Variants in MSI2 observed in about 807,000 individuals in gnomAD.
The protein encoded by MSI2 is RNA-binding protein Musashi homolog 2.
Under a neutral mutation model 45.6 loss-of-function variants are expected in MSI2, and 17 were observed. The observed-to-expected ratio is 0.37, with a 90% confidence interval of 0.26 to 0.56. The LOEUF (loss-of-function observed/expected upper bound fraction) is 0.56, where lower values mean the gene tolerates loss of function less well. Among genes scored for constraint, MSI2 ranks in the 20% least tolerant of loss-of-function variants. MSI2 has a pLI of 0.77. For missense variants in MSI2, 293 were observed against 444.2 expected, an observed-to-expected ratio of 0.66 and a Z score of 3.06; for synonymous variants, 156 against 158.2, an observed-to-expected ratio of 0.99 and a Z score of 0.11.
chr17:57,578,933 G>A lies in MSI2; in HGVS notation c.455-17935G>A, dbSNP rs549973595. Among the ~76,000 whole-genome samples, 4 of 152,250 alleles carry A rather than the reference G, an allele frequency of 2.6e-5. No individual in the cohort carries two copies. The South Asian group carries it at 8.3e-4, about 32-fold the overall frequency. On this transcript the variant is annotated intron_variant, in intron 7 of 13. Transcript: ENST00000284073. The stretch of plus-strand genomic sequence containing the variant: ...ATTGTAAACAGAAAATGGCATGGGA[G>A]GGAGTGTGTCTCGGAAACTTGCTGT...
chr17:57,258,179 G>C (rs1906994744), intron 3 of MSI2, 91 bp from the exon 4 acceptor site: 2 of 1,124,318 alleles, frequency 1.8e-6, no homozygotes, highest in South Asian at 2.5e-5. Context: ...GGCAACTTTT[G>C]CTCCTCATTC....
chr17:57,517,579 A>C (rs2086496314), intron 6 of MSI2, among the ~76,000 whole-genome samples: 1 of 152,116 alleles, frequency 6.6e-6, no homozygotes, highest in Non-Finnish European at 1.5e-5. Flanking sequence ...GGGAAGTGGA[A>C]AGGTGACCTT....
chr17:57,270,459 G>A (rs544827581), intron 5 of MSI2, among the ~76,000 whole-genome samples: 2 of 152,340 alleles, frequency 1.3e-5, no homozygotes, highest in East Asian at 3.9e-4. Context: ...CACTTTGCCT[G>A]ATGGCTATAA....
At chr17:57,639,717 G>T (rs1486676030) in intron 10 of MSI2, among the ~76,000 whole-genome samples, 1 of 151,984 alleles carries the variant, frequency 6.6e-6, no homozygotes, top group African/African-American at 2.4e-5. Context: ...GCCTGGTTTT[G>T]CAGGGAAAGG....
At chr17:57,350,004 T>C (rs1915887816) in intron 5 of MSI2, among the ~76,000 whole-genome samples, 1 of 152,196 alleles carries the variant, frequency 6.6e-6, no homozygotes, top group Admixed American at 6.5e-5. Flanking sequence ...TTAAAGCATA[T>C]CTGGTGACAC....
chr17:57,634,474 AAGAG>A (rs911390488), intron 10 of MSI2, among the ~76,000 whole-genome samples: 4 of 147,336 alleles, frequency 2.7e-5, no homozygotes, highest in African/African-American at 7.8e-5. Context: ...TCAAAAAAAA[AAGAG>A]AGAGAGAGAA....
At chr17:57,368,617 T>G (rs759608442) in intron 5 of MSI2, among the ~76,000 whole-genome samples, 4 of 152,228 alleles carry the variant, frequency 2.6e-5, no homozygotes, top group Non-Finnish European at 5.9e-5. Flanking sequence ...TTGAGAGATA[T>G]AACACACATA....
chr17:57,446,290 CAGAA>C (rs1210161733), intron 6 of MSI2, among the ~76,000 whole-genome samples: 1 of 151,948 alleles, frequency 6.6e-6, no homozygotes, highest in Admixed American at 6.6e-5. Flanking sequence ...CTTCAGGGAA[CAGAA>C]GGAAGGAGGG....
At chr17:57,478,690 CAG>C (rs1177570549) in intron 6 of MSI2, among the ~76,000 whole-genome samples, 1 of 152,132 alleles carries the variant, frequency 6.6e-6, no homozygotes, top group Non-Finnish European at 1.5e-5. Flanking sequence ...CAGTGGTTCT[CAG>C]AGTCGGAAGG....
chr17:57,553,260 G>T (rs1017550237), intron 7 of MSI2, among the ~76,000 whole-genome samples: 4 of 152,180 alleles, frequency 2.6e-5, no homozygotes, highest in Admixed American at 2.6e-4. Flanking sequence ...GGATGCCAAG[G>T]CTCGACCAGT....
chr17:57,524,456 T>C (rs777036797), intron 6 of MSI2, among the ~76,000 whole-genome samples: 29 of 152,354 alleles, frequency 1.9e-4, no homozygotes, highest in Middle Eastern at 6.8e-3. Flanking sequence ...TGCATAAAAG[T>C]AAATAAAGTT....
At chr17:57,605,702 A>C (rs1906498263) in intron 8 of MSI2, among the ~76,000 whole-genome samples, 1 of 152,212 alleles carries the variant, frequency 6.6e-6, no homozygotes, top group African/African-American at 2.4e-5. Context: ...TTTCTCTTCT[A>C]GTTTCACTCT....
intron 5 of MSI2, among the ~76,000 whole-genome samples, chr17:57,343,163 G>A (rs1162891103): frequency 6.6e-6 from 1 of 152,128 alleles, no homozygotes; most frequent in Non-Finnish European, 1.5e-5. Context: ...CACAGCCTGT[G>A]AGGTAGGGAA....
intron 5 of MSI2, among the ~76,000 whole-genome samples, chr17:57,319,959 A>C (rs1913191787): frequency 6.6e-6 from 1 of 152,060 alleles, no homozygotes; most frequent in South Asian, 2.1e-4. Flanking sequence ...GAGAGGGGCG[A>C]CTGCAGCTCT....
Position 57,658,762 on chromosome 17 carries a change from C to A in MSI2, c.790+6601C>A, listed in dbSNP as rs2144705007. Among the ~76,000 whole-genome samples, 3 of 152,304 alleles carry A rather than the reference C, an allele frequency of 2.0e-5. 1 individual carries two copies. In the South Asian group the frequency reaches 6.2e-4, roughly 32 times the overall value. On this transcript the variant is annotated intron_variant, in intron 11 of 13. Transcript: ENST00000284073. ...TCAGTGGTTGACACATCTCTGCCTG[C>A]CCCCTGAGCTGGTTGGTCGTTGCTC...
At chr17:57,554,789 G>A (rs1375412368) in intron 7 of MSI2, among the ~76,000 whole-genome samples, 2 of 152,264 alleles carry the variant, frequency 1.3e-5, no homozygotes, top group Non-Finnish European at 2.9e-5. Context: ...CAATGACAGA[G>A]CTAGGGTCTG....
At chr17:57,411,379 C>T (rs777634258) in intron 6 of MSI2, among the ~76,000 whole-genome samples, 11 of 152,174 alleles carry the variant, frequency 7.2e-5, no homozygotes, top group Non-Finnish European at 1.3e-4. Context: ...AAAGGGAGGA[C>T]GTATTGATGT....
chr17:57,381,443 A>G (rs970735589), intron 5 of MSI2, among the ~76,000 whole-genome samples: 5 of 151,260 alleles, frequency 3.3e-5, no homozygotes, highest in Non-Finnish European at 5.9e-5. Context: ...TCCCTCCCCA[A>G]GGCAGTGACC....
intron 7 of MSI2, among the ~76,000 whole-genome samples, chr17:57,571,576 G>A (rs2087879160): frequency 6.6e-6 from 1 of 152,158 alleles, no homozygotes; most frequent in Non-Finnish European, 1.5e-5. Context: ...TTCGTGGTGT[G>A]GTCAACGACA....
Sources: gnomAD v4.1 joint callset for allele counts (sites outside exome capture counted in the v4.1 genomes callset) on GRCh38, gnomAD v4.1.1 for gene constraint, MANE v1.5 for transcripts, NCBI Gene and HGNC (gene_info 2026-07-23, HGNC 2026-07-21) for gene names.